The following ACAD10 variants were observed in gnomAD, a reference collection of about 807,000 sequenced individuals.
ACAD10 encodes ACAD-10.
Under a neutral mutation model 116.8 loss-of-function variants are expected in ACAD10, and 112 were observed. The observed-to-expected ratio is 0.96, with a 90% CI of 0.82 to 1.12. The LOEUF is 1.12. Ranked by LOEUF, ACAD10 falls within the 50% of genes most tolerant of loss-of-function variation. The probability of loss-of-function intolerance (pLI) is 0.00; values close to 1 mark genes in which losing one functional copy is unlikely to be tolerated. For synonymous variants in ACAD10, 486 were observed against 510.6 expected (o/e 0.95, Z 0.65); for missense variants, 1,259 against 1,350.2 (o/e 0.93, Z 1.06).
intron 5 of ACAD10, among the ~76,000 whole-genome samples, chr12:111,710,931 T>C (rs1463771729): frequency 6.6e-6 from 1 of 152,108 alleles, no homozygotes; most frequent in Non-Finnish European, 1.5e-5. Context: ...CGTTGACCAG[T>C]GCTTCTCTCT....
chr12:111,693,350 G>C (rs942556063), intron 2 of ACAD10, among the ~76,000 whole-genome samples: 3 of 152,132 alleles, frequency 2.0e-5, no homozygotes, highest in African/African-American at 7.2e-5. Context: ...ACCAGCCTGA[G>C]CAACATAGTG....
intron 10 of ACAD10, among the ~76,000 whole-genome samples, chr12:111,731,891 T>C (rs914690566): frequency 5.9e-5 from 9 of 152,168 alleles, no homozygotes; most frequent in African/African-American, 2.2e-4. Flanking sequence ...GAGACCAGCC[T>C]GGCCAACATG....
At chr12:111,746,430 C>T in intron 14 of ACAD10, 146 bp downstream of exon 14, 1 of 949,346 alleles carries the variant, frequency 1.1e-6, no homozygotes, top group East Asian at 3.1e-5. Context: ...CTCTGTCACC[C>T]AGGCTGGAGT....
At chr12:111,711,090 G>C (rs1162549205) in intron 5 of ACAD10, among the ~76,000 whole-genome samples, 1 of 152,176 alleles carries the variant, frequency 6.6e-6, no homozygotes, top group Non-Finnish European at 1.5e-5. Context: ...ACTACCCTTT[G>C]TAAAAAGTAA....
At chr12:111,735,517 G>A (rs1302623892) in intron 11 of ACAD10, among the ~76,000 whole-genome samples, 3 of 151,032 alleles carry the variant, frequency 2.0e-5, no homozygotes, top group South Asian at 2.1e-4. Flanking sequence ...GTGCAGTGGC[G>A]CGATCTCAGC....
At chr12:111,692,662 A>C in intron 1 of ACAD10, 35 bp from the exon 2 acceptor site, 1 of 1,582,356 alleles carries the variant, frequency 6.3e-7, no homozygotes, top group Non-Finnish European at 8.6e-7. Flanking sequence ...GAGGCAGTGC[A>C]GGCAAGTAAC....
chr12:111,741,193 C>T (rs1889732436), intron 12 of ACAD10, among the ~76,000 whole-genome samples: 1 of 152,172 alleles, frequency 6.6e-6, no homozygotes, highest in Non-Finnish European at 1.5e-5. Flanking sequence ...ACAATATTTT[C>T]CCTCTTTTAG....
At chr12:111,751,528 T>TA (rs1403249205) in intron 18 of ACAD10, among the ~76,000 whole-genome samples, 1 of 149,640 alleles carries the variant, frequency 6.7e-6, no homozygotes, top group Non-Finnish European at 1.5e-5. Flanking sequence ...GTTAGGAGTT[T>TA]AAGACCAGCC....
At chr12:111,712,281 G>C (rs1342297498) in intron 5 of ACAD10, among the ~76,000 whole-genome samples, 2 of 152,040 alleles carry the variant, frequency 1.3e-5, no homozygotes, top group African/African-American at 4.8e-5. Context: ...GTGGCACCGG[G>C]GAACAAACAT....
In ACAD10 at chr12:111,729,799, C is replaced by T. The variant is rs1889333491; in HGVS notation, c.1244-7C>T. The T allele has an allele frequency of 5.0e-6, 8 of 1,609,204 alleles. No individual in the cohort carries two copies. Among genetic ancestry groups the T allele is most frequent in the South Asian group, 3.3e-5 (3 of 90,756 alleles). On this transcript the variant is annotated splice_region_variant and splice_polypyrimidine_tract_variant and intron_variant, in intron 9 of 20. Coordinates refer to ENST00000313698, the MANE Select transcript of ACAD10 (RefSeq NM_025247.6). ...TGCACACCAAGTTCTAATCCTATTT[C>T]CCGCAGGGGACTATATTCCACGCCA... is the stretch of plus-strand genomic sequence containing the variant.
At chr12:111,698,007 T>G (rs1361341760) in intron 2 of ACAD10, among the ~76,000 whole-genome samples, 4 of 150,930 alleles carry the variant, frequency 2.7e-5, no homozygotes, top group Non-Finnish European at 5.9e-5. Context: ...CCCTTTTTTT[T>G]TTTTTGAGTC....
At chr12:111,702,055 C>T (rs1888362354) in intron 2 of ACAD10, 107 bp from the exon 3 acceptor site, 1 of 1,219,390 alleles carries the variant, frequency 8.2e-7, no homozygotes. Flanking sequence ...AGCATCCACC[C>T]TGGCAGTACA....
At chr12:111,745,664 G>A (rs1411318129) in intron 13 of ACAD10, 6 of 155,208 alleles carry the variant, frequency 3.9e-5, no homozygotes, top group Admixed American at 1.9e-4. Flanking sequence ...TCAGCCTCCC[G>A]AGTAACTGGG....
At chr12:111,700,071 A>G (rs917737415) in intron 2 of ACAD10, among the ~76,000 whole-genome samples, 2 of 152,144 alleles carry the variant, frequency 1.3e-5, no homozygotes, top group African/African-American at 4.8e-5. Context: ...GAAAATAGGT[A>G]GAGCCAGGCA....
chr12:111,705,385 C>A (rs1888468818), intron 3 of ACAD10, among the ~76,000 whole-genome samples: 1 of 152,114 alleles, frequency 6.6e-6, no homozygotes, highest in Admixed American at 6.6e-5. Flanking sequence ...GCCACCAAGC[C>A]TAGCTAAGTT....
In ACAD10 at chr12:111,715,855, G is replaced by T. The variant is rs538600918; in HGVS notation, c.885G>T (p.Gln295His). ...AACTACTTCAGTTTGATCACGGGCA[G>T]TCAAATCCAACTTACTACATCAGGC... ...PLELLQFDHG[Q>H]SNPTYYIRLA... Residue 295 changes from glutamine (Q) to histidine (H), a missense_variant, in exon 7 of 21, where the codon CAG becomes CAT. Coordinates refer to ENST00000313698, the MANE Select transcript of ACAD10 (RefSeq NM_025247.6). 6.2e-7 allele frequency: 1 copy of T among 1,614,176 alleles called. No individual in the cohort carries two copies. Among genetic ancestry groups the T allele is most frequent in the East Asian group, 2.2e-5 (1 of 44,870 alleles).
chr12:111,733,050 T>C (rs1359352064), intron 10 of ACAD10, among the ~76,000 whole-genome samples: 1 of 152,144 alleles, frequency 6.6e-6, no homozygotes, highest in East Asian at 1.9e-4. Flanking sequence ...CTCTTTGTGG[T>C]TCCCACATGG....
rs369003100 is a variant in ACAD10, at chr12:111,744,689, A to G, written c.1761A>G (p.Glu587=). ...TYAEQTGKLT[E]FVSNLAWDFA... is the part of the protein sequence containing the mutation. The stretch of plus-strand genomic sequence containing the variant: ...CGGAACAAACTGGAAAGCTGACCGA[A>G]TTTGTGTCTAACCTGGCGTGGGATT... The change falls in exon 13 of 21, where the codon GAA becomes GAG. Residue 587 remains glutamate (E), a synonymous_variant. Transcript: ENST00000313698. The G allele has an allele frequency of 2.2e-5, 35 of 1,614,088 alleles. No homozygotes were observed. Among genetic ancestry groups the G allele is most frequent in the Non-Finnish European group, 2.7e-5 (32 of 1,180,040 alleles).
In ACAD10 at chr12:111,741,808, C is replaced by T. The variant is rs113881127; in HGVS notation, c.1715-2835C>T. ...AGCTTTAAAATCATTTTTGTTTGAA[C>T]AGCTGAGATATTTGGTACTGGCCAG... On this transcript the variant is annotated intron_variant, in intron 12 of 20. Transcript: ENST00000313698. Among the ~76,000 whole-genome samples the T allele has an allele frequency of 3.9e-3, 596 of 152,268 alleles. 4 individuals carry two copies. The highest frequency in any genetic ancestry group is 0.013 in the African/African-American group (553 of 41,548).
Sources: allele counts gnomAD v4.1 joint callset (sites outside exome capture counted in the v4.1 genomes callset), GRCh38; gene constraint gnomAD v4.1.1; transcripts MANE v1.5; gene names NCBI Gene and HGNC (gene_info 2026-07-23, HGNC 2026-07-21).